Variants in ZPLD1 observed in about 807,000 individuals in gnomAD.
The protein encoded by ZPLD1 is zona pellucida-like domain-containing protein 1.
ZPLD1 carries 34 observed loss-of-function variants against 47.2 expected under a neutral mutation model. That is an observed-to-expected ratio of 0.72 (90% confidence interval 0.55 to 0.96). ZPLD1 has a LOEUF of 0.96. ZPLD1 is among the 40% of genes least tolerant of loss of function. The pLI, the probability that ZPLD1 is intolerant of heterozygous loss-of-function variation, is 0.00. For missense variants in ZPLD1, 512 were observed against 505.8 expected, an observed-to-expected ratio of 1.01 and a Z score of -0.12; for synonymous variants, 176 against 186.2, an observed-to-expected ratio of 0.95 and a Z score of 0.45.
At chr3:102,393,355 G>A (rs1425738331) in intron 7 of ZPLD1, among the ~76,000 whole-genome samples, 1 of 152,084 alleles carries the variant, frequency 6.6e-6, no homozygotes, top group Non-Finnish European at 1.5e-5. Flanking sequence ...ACTTTCTCAA[G>A]TCGTTCTTCC....
intron 5 of ZPLD1, among the ~76,000 whole-genome samples, chr3:102,456,984 CA>C (rs1320906693): frequency 6.6e-6 from 1 of 152,156 alleles, no homozygotes; most frequent in African/African-American, 2.4e-5. Flanking sequence ...GCATTATTTC[CA>C]AAGCACGTAC....
At chr3:102,450,234 T>C (rs1281135016) in intron 3 of ZPLD1, among the ~76,000 whole-genome samples, 3 of 152,194 alleles carry the variant, frequency 2.0e-5, no homozygotes, top group African/African-American at 7.2e-5. Flanking sequence ...GTATTATGTT[T>C]TTAAAAATGC....
chr3:102,402,913 C>A (rs1210148939), intron 7 of ZPLD1, among the ~76,000 whole-genome samples: 2 of 151,816 alleles, frequency 1.3e-5, no homozygotes, highest in African/African-American at 2.4e-5. Flanking sequence ...AAAACCTTTT[C>A]TTATGGGAAA....
chr3:102,399,168 C>A (rs1248163330), intron 7 of ZPLD1, among the ~76,000 whole-genome samples: 3 of 152,142 alleles, frequency 2.0e-5, no homozygotes, highest in Non-Finnish European at 4.4e-5. Context: ...TGTATCCCCA[C>A]CCTGCTGTTA....
At position 102,436,959 on chromosome 3, in the gene ZPLD1, G is replaced by A. The variant is rs1253982087; in HGVS notation, c.-23G>A. On this transcript the variant is annotated 5_prime_UTR_variant, in exon 2 of 12. Transcript: ENST00000466937. ...CATGAGAAGGAAGTGGTGGAGCATGGAGCATGGAATAAATGTGGGTGCAGT... is the reference window on the plus strand; with the variant it reads ...CATGAGAAGGAAGTGGTGGAGCATGAAGCATGGAATAAATGTGGGTGCAGT... 1.0e-6 allele frequency: 1 copy of A among 985,294 alleles called. No individual in the cohort carries two copies. Among genetic ancestry groups the A allele is most frequent in the Non-Finnish European group, 1.2e-6 (1 of 829,762 alleles). 61.0% of individuals were successfully genotyped at this position (985,294 alleles called of 1,614,324 possible). A position where few individuals can be genotyped will look rare whatever the true frequency, so the allele number is the denominator to read the frequency against.
At chr3:102,447,105 C>T (rs1187125377) in intron 3 of ZPLD1, among the ~76,000 whole-genome samples, 1 of 152,086 alleles carries the variant, frequency 6.6e-6, no homozygotes, top group South Asian at 2.1e-4. Context: ...CTCGCTCTGT[C>T]GCCAGGCTGG....
chr3:102,407,412 T>TATAC (rs1706701856), intron 7 of ZPLD1, among the ~76,000 whole-genome samples: 1 of 88,528 alleles, frequency 1.1e-5, no homozygotes, highest in Non-Finnish European at 2.2e-5. Flanking sequence ...TATATATATA[T>TATAC]ATATATATAT....
rs78136948 is a variant in ZPLD1, at chr3:102,399,677, G to A, written c.-157+7452G>A. On this transcript the variant is annotated intron_variant, in intron 7 of 17. Transcript: ENST00000491959. ...TACAAAGAAAAAAATAAAAAATACC[G>A]AAACGATCATGTATACACATTAATA... 3.4e-3 allele frequency among the ~76,000 whole-genome samples: 523 copies of A among 152,006 alleles called. 4 individuals carry two copies. The highest frequency in any genetic ancestry group is 0.012 in the African/African-American group (482 of 41,486).
chr3:102,401,436 G>A (rs890247809), intron 7 of ZPLD1, among the ~76,000 whole-genome samples: 2 of 152,062 alleles, frequency 1.3e-5, no homozygotes, highest in African/African-American at 2.4e-5. Context: ...TGCATACAAT[G>A]TGAAGCTTTT....
At chr3:102,401,040 G>A (rs1184837181) in intron 7 of ZPLD1, among the ~76,000 whole-genome samples, 1 of 151,910 alleles carries the variant, frequency 6.6e-6, no homozygotes, top group African/African-American at 2.4e-5. Context: ...ACATTTTTAG[G>A]ACAAAATTTC....
intron 3 of ZPLD1, among the ~76,000 whole-genome samples, chr3:102,449,112 C>A (rs1467054936): frequency 2.0e-5 from 3 of 152,226 alleles, no homozygotes; most frequent in African/African-American, 7.2e-5. Context: ...TGGATGGGAA[C>A]TACCTGGCTC....
chr3:102,433,742 G>A (rs1181480711), upstream of ZPLD1, among the ~76,000 whole-genome samples: 1 of 152,074 alleles, frequency 6.6e-6, no homozygotes, highest in Non-Finnish European at 1.5e-5. Context: ...TGTTAGCCAG[G>A]ATGGTCTCGA....
intron 11 of ZPLD1, 81 bp from the exon 12 acceptor site, chr3:102,477,362 T>C: frequency 7.3e-7 from 1 of 1,375,346 alleles, no homozygotes; most frequent in Non-Finnish European, 1.0e-6. Flanking sequence ...TGATGAAAGA[T>C]GTTTTGCAGG....
chr3:102,402,436 G>T (rs1318890628), intron 7 of ZPLD1, among the ~76,000 whole-genome samples: 1 of 151,994 alleles, frequency 6.6e-6, no homozygotes, highest in East Asian at 1.9e-4. Flanking sequence ...CTTCAGTATT[G>T]ATATATCAGT....
chr3:102,427,020 A>G (rs1347548318), intron 8 of ZPLD1, among the ~76,000 whole-genome samples: 1 of 152,218 alleles, frequency 6.6e-6, no homozygotes, highest in Non-Finnish European at 1.5e-5. Flanking sequence ...CTTCCTGAGT[A>G]ATGTCATGAA....
At chr3:102,425,637 G>A (rs1318431511) in intron 8 of ZPLD1, among the ~76,000 whole-genome samples, 1 of 152,036 alleles carries the variant, frequency 6.6e-6, no homozygotes, top group Non-Finnish European at 1.5e-5. Context: ...TGGTTATTGA[G>A]ATAGGAGCTG....
At chr3:102,462,534 C>A (rs1707524557) in intron 7 of ZPLD1, among the ~76,000 whole-genome samples, 156 bp downstream of exon 7, 1 of 151,858 alleles carries the variant, frequency 6.6e-6, no homozygotes. Context: ...TAACAGATTA[C>A]AAAGTTTAAG....
intron 7 of ZPLD1, among the ~76,000 whole-genome samples, chr3:102,409,885 T>G (rs1706731452): frequency 6.6e-6 from 1 of 151,834 alleles, no homozygotes; most frequent in South Asian, 2.1e-4. Context: ...TTGGTAGTCT[T>G]GTGCCTCAGA....
intron 7 of ZPLD1, among the ~76,000 whole-genome samples, chr3:102,392,827 G>A (rs1310219338): frequency 6.6e-6 from 1 of 152,074 alleles, no homozygotes; most frequent in East Asian, 1.9e-4. Context: ...AAAAACAGTT[G>A]CACTTTTTAT....
Sources: allele counts gnomAD v4.1 joint callset (sites outside exome capture counted in the v4.1 genomes callset), GRCh38; gene constraint gnomAD v4.1.1; transcripts MANE v1.5; gene names NCBI Gene and HGNC (gene_info 2026-07-23, HGNC 2026-07-21).